The following MPP7 variants were observed in gnomAD, a reference collection of about 807,000 sequenced individuals.
The protein encoded by MPP7 is MAGUK p55 scaffold protein 7.
A neutral mutation model predicts 76.5 loss-of-function variants in MPP7; 60 were observed. The ratio of observed to expected loss-of-function variants is 0.78; its 90% CI spans 0.64 to 0.97. MPP7 has a LOEUF of 0.97. MPP7 is among the 50% of genes least tolerant of loss of function. MPP7 has a pLI of 0.00. For missense variants in MPP7, 641 were observed against 694.0 expected, an observed-to-expected ratio of 0.92 and a Z score of 0.86; for synonymous variants, 237 against 244.5, an observed-to-expected ratio of 0.97 and a Z score of 0.29.
chr10:28,289,855 G>A (rs894627623), intron 1 of MPP7, among the ~76,000 whole-genome samples: 1 of 152,194 alleles, frequency 6.6e-6, no homozygotes, highest in East Asian at 1.9e-4. Flanking sequence ...GTCTCATGCT[G>A]TCACCCAGGC....
At chr10:28,286,067 C>T (rs74741916) in intron 1 of MPP7, among the ~76,000 whole-genome samples, 1,597 of 152,018 alleles carry the variant, frequency 0.011, 30 homozygotes, top group East Asian at 0.072. Context: ...TTCTTTCGCC[C>T]GGGATGGTGG....
intron 4 of MPP7, among the ~76,000 whole-genome samples, chr10:28,149,434 C>T (rs1472016467): frequency 6.6e-6 from 1 of 152,184 alleles, no homozygotes; most frequent in African/African-American, 2.4e-5. Context: ...TTAACTACTC[C>T]ATCAATGCCA....
intron 12 of MPP7, among the ~76,000 whole-genome samples, chr10:28,087,715 T>C (rs557212019): frequency 1.1e-4 from 17 of 152,140 alleles, no homozygotes; most frequent in Middle Eastern, 3.2e-3. Flanking sequence ...TTTTATTACA[T>C]GTCTTTCCCC....
intron 1 of MPP7, among the ~76,000 whole-genome samples, chr10:28,277,339 C>G (rs1483666589): frequency 6.7e-6 from 1 of 149,716 alleles, no homozygotes; most frequent in Admixed American, 6.6e-5. Context: ...ATAAAGTACA[C>G]TAATACTAAT....
chr10:28,102,150 T>G (rs1467880599), intron 11 of MPP7, among the ~76,000 whole-genome samples: 3 of 152,138 alleles, frequency 2.0e-5, no homozygotes, highest in African/African-American at 7.2e-5. Context: ...ATTATTACAA[T>G]TTAATTTATT....
intron 6 of MPP7, among the ~76,000 whole-genome samples, chr10:28,127,271 C>T (rs936237184): frequency 1.4e-4 from 21 of 152,102 alleles, no homozygotes; most frequent in Admixed American, 4.6e-4. Flanking sequence ...TGCAAGGCAC[C>T]GTTCTAAGGG....
At chr10:28,222,943 G>A (rs1718061814) in intron 2 of MPP7, among the ~76,000 whole-genome samples, 1 of 150,724 alleles carries the variant, frequency 6.6e-6, no homozygotes, top group Non-Finnish European at 1.5e-5. Flanking sequence ...AAATAGCTTG[G>A]CCAAGATGGT....
chr10:28,145,156 G>A (rs1008435878), intron 5 of MPP7, among the ~76,000 whole-genome samples: 5 of 152,004 alleles, frequency 3.3e-5, no homozygotes, highest in Admixed American at 1.3e-4. Context: ...CTCGTGATCC[G>A]CCCGTCACGG....
chr10:28,245,557 G>T (rs1166363737), intron 1 of MPP7, among the ~76,000 whole-genome samples: 2 of 152,092 alleles, frequency 1.3e-5, no homozygotes, highest in Non-Finnish European at 2.9e-5. Flanking sequence ...CTGACTCCAT[G>T]ATCCTGGCCA....
In MPP7 at chr10:28,328,770, G is replaced by T. The variant is rs569386463; in HGVS notation, c.-132+1159C>A. Among the ~76,000 whole-genome samples the T allele has an allele frequency of 2.0e-5, 3 of 152,146 alleles. No homozygotes were observed. The South Asian group carries it at 6.2e-4, about 32-fold the overall frequency. On this transcript the variant is annotated intron_variant, in intron 2 of 11. Coordinates refer to the MPP7 transcript ENST00000441595. The stretch of plus-strand genomic sequence containing the variant: ...CTGGCACAGATTTTGTATAAATTCA[G>T]CTTTGTTTAATGTCTATTTGTCGAA...
Position 28,115,075 on chromosome 10 carries a change from TG to T in MPP7, c.952+4575del, listed in dbSNP as rs200639819. Reference sequence around the variant, plus strand: ...TAGGGGAAAAATACGTTAGGTTTTTTGTTTGTTTGTTTGTTTGTTTTGTTTT... The same window carrying T: ...TAGGGGAAAAATACGTTAGGTTTTTTTTTGTTTGTTTGTTTGTTTTGTTTT... On this transcript the variant is annotated intron_variant, in intron 11 of 16. Coordinates refer to ENST00000683449, the MANE Select transcript of MPP7 (RefSeq NM_001318170.2). 2.8e-3 allele frequency among the ~76,000 whole-genome samples: 410 copies of T among 148,548 alleles called. 1 individual carries two copies. The highest frequency in any genetic ancestry group is 1.0e-2 in the African/African-American group (396 of 39,764).
At chr10:28,064,599 C>T (rs1027674713) in intron 13 of MPP7, among the ~76,000 whole-genome samples, 3 of 152,204 alleles carry the variant, frequency 2.0e-5, no homozygotes, top group African/African-American at 7.2e-5. Flanking sequence ...ATTCCAATTA[C>T]ATCTTGATGT....
At chr10:28,315,012 G>A (rs1841310269) in intron 2 of MPP7, among the ~76,000 whole-genome samples, 1 of 151,980 alleles carries the variant, frequency 6.6e-6, no homozygotes, top group Non-Finnish European at 1.5e-5. Flanking sequence ...GCCAGGTGTG[G>A]TGGTACACAC....
At chr10:28,293,721 G>A (rs1017360748) in intron 1 of MPP7, among the ~76,000 whole-genome samples, 2 of 152,154 alleles carry the variant, frequency 1.3e-5, no homozygotes, top group African/African-American at 4.8e-5. Flanking sequence ...CCAACCAGCA[G>A]GTATTCAGTC....
chr10:28,251,917 C>A (rs578227757), intron 1 of MPP7, among the ~76,000 whole-genome samples: 90 of 151,352 alleles, frequency 5.9e-4, no homozygotes, highest in African/African-American at 2.1e-3. Context: ...TTAACAACAA[C>A]AAAAAAAAAC....
chr10:28,324,087 A>G (rs1834390114), intron 2 of MPP7, among the ~76,000 whole-genome samples: 1 of 152,166 alleles, frequency 6.6e-6, no homozygotes, highest in African/African-American at 2.4e-5. Context: ...TACTGCCAAA[A>G]TTCATAGGTT....
upstream of MPP7, among the ~76,000 whole-genome samples, chr10:28,306,970 C>T (rs1347705139): frequency 6.6e-6 from 1 of 152,160 alleles, no homozygotes; most frequent in Non-Finnish European, 1.5e-5. Flanking sequence ...TGTTCCAGAG[C>T]TGCACCCACA....
At chr10:28,071,735 T>C (rs1480739390) in intron 12 of MPP7, among the ~76,000 whole-genome samples, 2 of 152,198 alleles carry the variant, frequency 1.3e-5, no homozygotes, top group Admixed American at 6.5e-5. Context: ...CCAAGTCAGA[T>C]GTTTGCACCT....
chr10:28,239,920 A>G (rs1839210444), intron 1 of MPP7, among the ~76,000 whole-genome samples: 1 of 152,210 alleles, frequency 6.6e-6, no homozygotes, highest in South Asian at 2.1e-4. Flanking sequence ...TGTCTGACAC[A>G]TGGTAAATAA....
Sources: gnomAD v4.1 joint callset for allele counts (sites outside exome capture counted in the v4.1 genomes callset) on GRCh38, gnomAD v4.1.1 for gene constraint, MANE v1.5 for transcripts, NCBI Gene and HGNC (gene_info 2026-07-23, HGNC 2026-07-21) for gene names.